The following SAMHD1 variants were observed in gnomAD, a reference collection of about 807,000 sequenced individuals.
The protein encoded by SAMHD1 is SAM and HD domain containing deoxynucleoside triphosphate triphosphohydrolase 1, also known as deoxynucleoside triphosphate triphosphohydrolase SAMHD1.
In SAMHD1, 54 loss-of-function variants were observed where a neutral mutation model predicts 79.6. The ratio of observed to expected loss-of-function variants is 0.68; its 90% CI spans 0.55 to 0.85. The LOEUF (loss-of-function observed/expected upper bound fraction) is 0.85, where lower values mean the gene tolerates loss of function less well. Ranked by LOEUF, SAMHD1 falls within the 40% of genes least tolerant of loss-of-function variation. The pLI is 0.00. For missense variants in SAMHD1, 663 were observed against 782.7 expected (o/e 0.85, Z 1.82); for synonymous variants, 260 against 264.1 (o/e 0.98, Z 0.15).
rs1990107581 is a variant in SAMHD1 at position 36,892,784 on chromosome 20, GATTAA to G, written c.*143_*147del. 7 of 995,156 alleles carry G rather than the reference GATTAA, an allele frequency of 7.0e-6. No individual in the cohort carries two copies. Among genetic ancestry groups the G allele is most frequent in the Non-Finnish European group, 1.1e-5 (7 of 623,648 alleles). 61.6% of individuals were successfully genotyped at this position (995,156 alleles called of 1,614,324 possible). ...TTGCCTAATACCATCTTATTTCTTT[GATTAA>G]AAGTTACTTAGCTTCAGCATGCGTG... On this transcript the variant is annotated 3_prime_UTR_variant, in exon 16 of 16. Coordinates refer to ENST00000646673, the MANE Select transcript of SAMHD1 (RefSeq NM_015474.4).
chr20:36,892,981 C>T lies in SAMHD1; in HGVS notation c.1832G>A (p.Arg611Gln), dbSNP rs150713148. ...STSVQNPTRL[R>Q]EASKSRVQLF... ...CTGGACTCTGCTTTTGGATGCTTCT[C>T]GGAGGCGAGTTGGATTTTGGACTGA... is the stretch of plus-strand genomic sequence containing the variant. The change falls in exon 16 of 16, where the codon CGA becomes CAA. Residue 611 changes from arginine (R) to glutamine (Q), a missense_variant. By Grantham distance (43) the Arg-to-Gln change is conservative. Coordinates refer to ENST00000646673, the MANE Select transcript of SAMHD1 (RefSeq NM_015474.4). 8.5e-5 allele frequency: 137 copies of T among 1,613,944 alleles called. No individual in the cohort carries two copies. The African/African-American group carries it at 1.1e-3, about 13-fold the overall frequency.
chr20:36,950,748 A>G (rs2063728336), intron 1 of SAMHD1, among the ~76,000 whole-genome samples: 1 of 152,188 alleles, frequency 6.6e-6, no homozygotes. Flanking sequence ...CATGTTCCTT[A>G]CCATGTTCTG....
At chr20:36,918,532 C>T (rs1019943805) in intron 7 of SAMHD1, among the ~76,000 whole-genome samples, 6 of 151,510 alleles carry the variant, frequency 4.0e-5, no homozygotes, top group African/African-American at 1.2e-4. Flanking sequence ...GGCGCGGTGG[C>T]GGCTCACGCT....
chr20:36,904,387 A>G (rs1251959383), intron 12 of SAMHD1, 138 bp from the exon 13 acceptor site: 1 of 710,144 alleles, frequency 1.4e-6, no homozygotes, highest in Non-Finnish European at 2.6e-6. Flanking sequence ...GCTCCTACCA[A>G]TGTCACTCGT....
intron 6 of SAMHD1, among the ~76,000 whole-genome samples, chr20:36,923,593 G>A (rs1222980596): frequency 6.6e-6 from 1 of 152,068 alleles, no homozygotes; most frequent in African/African-American, 2.4e-5. Context: ...GAACTTAGGA[G>A]TAAGTATAAC....
intron 4 of SAMHD1, among the ~76,000 whole-genome samples, chr20:36,931,652 A>C (rs914388224): frequency 2.6e-4 from 39 of 149,478 alleles, no homozygotes; most frequent in South Asian, 6.5e-4. Flanking sequence ...CCCTCCCCCC[A>C]AAAAAAGAAA....
intron 2 of SAMHD1, 44 bp from the exon 3 acceptor site, chr20:36,941,155 A>G: frequency 1.5e-6 from 2 of 1,300,748 alleles, no homozygotes; most frequent in Non-Finnish European, 2.2e-6. Context: ...TATTTGCTTA[A>G]TAATAATCCC....
chr20:36,926,397 A>G (rs1462322560), intron 6 of SAMHD1, among the ~76,000 whole-genome samples: 1 of 152,186 alleles, frequency 6.6e-6, no homozygotes, highest in Non-Finnish European at 1.5e-5. Flanking sequence ...ATGTTTGTAA[A>G]AATCAGAAGG....
At chr20:36,904,331 G>A (rs1381888717) in intron 12 of SAMHD1, 82 bp from the exon 13 acceptor site, 1 of 909,904 alleles carries the variant, frequency 1.1e-6, no homozygotes, top group East Asian at 2.4e-5. Context: ...TTATGAAAAT[G>A]GCACCTAACT....
chr20:36,916,819 T>A lies in SAMHD1; in HGVS notation c.965A>T (p.His322Leu). 6.2e-7 allele frequency: 1 copy of A among 1,614,036 alleles called. No homozygotes were observed. The highest frequency in any genetic ancestry group is 8.5e-7 in the Non-Finnish European group (1 of 1,179,906). Residue 322 changes from histidine to leucine, a missense_variant, in exon 9 of 16, where the codon CAT (histidine) becomes CTT (leucine). His to Leu is a moderately conservative substitution (Grantham distance 99). Coordinates refer to ENST00000646673, the MANE Select transcript of SAMHD1 (RefSeq NM_015474.4). The part of the protein sequence containing the change: ...KWDYFARDCH[H>L]LGIQNNFDYK... The stretch of plus-strand genomic sequence containing the variant: ...ATCAAAATTATTTTGGATTCCAAGA[T>A]GATGGCAGTCCCTAGAAGGATTCCA...
intron 9 of SAMHD1, among the ~76,000 whole-genome samples, chr20:36,915,422 G>A (rs1217865726): frequency 6.6e-6 from 1 of 152,178 alleles, no homozygotes; most frequent in Non-Finnish European, 1.5e-5. Flanking sequence ...AGGCTATTTA[G>A]TTAAGTTTTT....
rs10608624 is a variant in SAMHD1 at position 36,947,492 on chromosome 20, AGTGTGT to A, written c.209-694_209-689del. Among the ~76,000 whole-genome samples, 15 of 36,254 alleles carry A rather than the reference AGTGTGT, an allele frequency of 4.1e-4. No homozygotes were observed. In the East Asian group the frequency reaches 9.9e-3, roughly 24 times the overall value. 23.8% of individuals were successfully genotyped at this position (36,254 alleles called of 152,430 possible). A position where few individuals can be genotyped will look rare whatever the true frequency, so the allele number is the denominator to read the frequency against. ...TTTGGAAGAGGTGTGTGTGTGTGTG[AGTGTGT>A]GTGTGTGTGTGTGTGTCCTGGGAAA... On this transcript the variant is annotated intron_variant, in intron 1 of 15. Transcript: ENST00000646673.
intron 15 of SAMHD1, 79 bp from the exon 16 acceptor site, chr20:36,893,145 T>G (rs1031442313): frequency 1.9e-6 from 3 of 1,544,854 alleles, no homozygotes; most frequent in Non-Finnish European, 2.7e-6. Flanking sequence ...AAGTCTCAAG[T>G]GCGCACATCC....
chr20:36,898,475 C>T lies in SAMHD1; in HGVS notation c.1573G>A (p.Ala525Thr), dbSNP rs948134548. 1.2e-6 allele frequency: 2 copies of T among 1,613,930 alleles called. No homozygotes were observed. Among genetic ancestry groups the T allele is most frequent in the Non-Finnish European group, 1.7e-6 (2 of 1,179,880 alleles). Residue 525 changes from alanine (A) to threonine (T), a missense_variant, in exon 14 of 16, where the codon GCC becomes ACC. Ala to Thr is a moderately conservative substitution (Grantham distance 58, BLOSUM62 0). Transcript: ENST00000646673. ...GTAATCCTGATTGCTCTGTTGGGGG[C>T]AGTCTTACAATAGAAGCTAACATGA... is the stretch of plus-strand genomic sequence containing the variant. ...IDHVSFYCKT[A>T]PNRAIRITKN...
At position 36,920,958 on chromosome 20, in the gene SAMHD1, C is replaced by T. The variant is rs1215573358; in HGVS notation, c.697-1439G>A. 4.0e-5 allele frequency among the ~76,000 whole-genome samples: 6 copies of T among 151,670 alleles called. No individual in the cohort carries two copies. In the South Asian group the frequency reaches 1.0e-3, roughly 26 times the overall value. On this transcript the variant is annotated intron_variant, in intron 6 of 15. Transcript: ENST00000646673. Reference sequence around the variant, plus strand: ...AAGATTGGCTGGGTATAGTGACATGCGCCTGTGGTCCCAGCTACTTGGGAG... The same window carrying T: ...AAGATTGGCTGGGTATAGTGACATGTGCCTGTGGTCCCAGCTACTTGGGAG...
intron 11 of SAMHD1, among the ~76,000 whole-genome samples, chr20:36,906,870 C>T (rs201307268): frequency 6.6e-6 from 1 of 151,730 alleles, no homozygotes; most frequent in East Asian, 1.9e-4. Context: ...TGGCTCACTG[C>T]AACCTCTACC....
At chr20:36,934,741 A>G (rs1253110532) in intron 4 of SAMHD1, 1 of 325,382 alleles carries the variant, frequency 3.1e-6, no homozygotes, top group East Asian at 7.1e-5. Flanking sequence ...CACTGCAACC[A>G]CCAACCTCCT....
Position 36,904,158 on chromosome 20 carries a change from T to A in SAMHD1, c.1502A>T (p.Asp501Val). The A allele has an allele frequency of 6.2e-7, 1 of 1,600,472 alleles. No homozygotes were observed. The highest frequency in any genetic ancestry group is 8.6e-7 in the Non-Finnish European group (1 of 1,167,624). ...TTTATTACTGGGCTAATTACTTACA[T>A]CCACTATAAAATCTTCAGCCTTCAG... ...VKLKAEDFIV[D>V]VINMDYGMQE... Residue 501 changes from aspartate to valine, a missense_variant and splice_region_variant, in exon 13 of 16, where the codon GAT becomes GTT. Asp to Val is a radical substitution (Grantham distance 152, BLOSUM62 -3). Transcript: ENST00000646673.
chr20:36,942,980 T>A (rs888199555), intron 2 of SAMHD1, among the ~76,000 whole-genome samples: 5 of 152,110 alleles, frequency 3.3e-5, no homozygotes, highest in Non-Finnish European at 7.4e-5. Flanking sequence ...TAAAAAAACC[T>A]TTATAAATCA....
Sources: gnomAD v4.1 joint callset for allele counts (sites outside exome capture counted in the v4.1 genomes callset) on GRCh38, gnomAD v4.1.1 for gene constraint, MANE v1.5 for transcripts, NCBI Gene and HGNC (gene_info 2026-07-23, HGNC 2026-07-21) for gene names.